Variants in SLC2A14 observed in about 807,000 individuals in gnomAD.
SLC2A14 encodes solute carrier family 2 member 14.
Under a neutral mutation model 43.0 loss-of-function variants are expected in SLC2A14, and 13 were observed. That is an observed-to-expected ratio of 0.30 (90% confidence interval 0.20 to 0.48). SLC2A14 has a LOEUF of 0.48. Ranked by LOEUF, SLC2A14 falls within the 20% of genes least tolerant of loss-of-function variation. SLC2A14 has a pLI of 0.99. For missense variants in SLC2A14, 428 were observed against 620.4 expected (o/e 0.69, Z 3.29); for synonymous variants, 190 against 233.8 (o/e 0.81, Z 1.71).
At chr12:7,839,488 T>C (rs1218857900) in intron 2 of SLC2A14, among the ~76,000 whole-genome samples, 3 of 152,112 alleles carry the variant, frequency 2.0e-5, no homozygotes, top group Non-Finnish European at 4.4e-5. Flanking sequence ...CTGTAAGCAG[T>C]CATGAACGTT....
At chr12:7,845,447 G>C (rs934784894) in intron 2 of SLC2A14, among the ~76,000 whole-genome samples, 9 of 152,082 alleles carry the variant, frequency 5.9e-5, no homozygotes, top group African/African-American at 2.2e-4. Context: ...TGTGGTCCGG[G>C]GACCAGCAAC....
upstream of SLC2A14, among the ~76,000 whole-genome samples, chr12:7,875,073 T>TATATTTAAATTTAA (rs1488164149): frequency 4.1e-5 from 5 of 120,520 alleles, no homozygotes; most frequent in African/African-American, 1.7e-4. Context: ...TATTAAATAT[T>TATATTTAAATTTAA]ATATTTAATA....
chr12:7,872,987 G>C, upstream of SLC2A14: 2 of 985,472 alleles, frequency 2.0e-6, no homozygotes, highest in Non-Finnish European at 2.4e-6. Context: ...TCGGTTCATC[G>C]GGAGCCCTCC....
At position 7,869,144 on chromosome 12, in the gene SLC2A14, C is replaced by CAA. The variant is rs1029431395; in HGVS notation, c.18+717_18+718dup. Among the ~76,000 whole-genome samples, 379 of 117,170 alleles carry CAA rather than the reference C, an allele frequency of 3.2e-3. 11 individuals are homozygous for CAA. In the South Asian group the frequency reaches 0.07, roughly 22 times the overall value. 76.9% of individuals were successfully genotyped at this position (117,170 alleles called of 152,430 possible). A position where few individuals can be genotyped will look rare whatever the true frequency, so the allele number is the denominator to read the frequency against. On this transcript the variant is annotated intron_variant, in intron 2 of 10. Coordinates refer to ENST00000431042, the MANE Select transcript of SLC2A14 (RefSeq NM_001286234.2). The stretch of plus-strand genomic sequence containing the variant: ...GGGCAACAAGAGTGAAACTCCATCT[C>CAA]AAAAAAAAAAAAAACAGTGTTGACT...
intron 1 of SLC2A14, among the ~76,000 whole-genome samples, chr12:7,881,085 G>A (rs1307658082): frequency 6.6e-6 from 1 of 152,152 alleles, no homozygotes; most frequent in Non-Finnish European, 1.5e-5. Context: ...GTTGCAGTAA[G>A]CCGAAATCGC....
chr12:7,814,942 GGT>G (rs1863301109), intron 10 of SLC2A14, among the ~76,000 whole-genome samples: 1 of 151,908 alleles, frequency 6.6e-6, no homozygotes, highest in Non-Finnish European at 1.5e-5. Context: ...TGGGACTACA[GGT>G]GCCCACCAGC....
At chr12:7,863,909 G>C (rs1046924906) in intron 2 of SLC2A14, among the ~76,000 whole-genome samples, 1 of 151,364 alleles carries the variant, frequency 6.6e-6, no homozygotes, top group Non-Finnish European at 1.5e-5. Context: ...TCCACCACCC[G>C]GGTTCAAGCG....
chr12:7,871,311 A>G (rs1036006154), intron 1 of SLC2A14: 8 of 1,085,834 alleles, frequency 7.4e-6, no homozygotes, highest in Non-Finnish European at 9.3e-6. Flanking sequence ...ATAAAAAAAG[A>G]CAAGTTCAAC....
chr12:7,826,490 T>C (rs1357405414), intron 7 of SLC2A14, among the ~76,000 whole-genome samples: 2 of 152,170 alleles, frequency 1.3e-5, no homozygotes, highest in African/African-American at 4.8e-5. Flanking sequence ...ATACTAAGTT[T>C]TGCAAAATGC....
chr12:7,882,927 C>T (rs1170454122), intron 1 of SLC2A14, among the ~76,000 whole-genome samples: 1 of 151,796 alleles, frequency 6.6e-6, no homozygotes, highest in Non-Finnish European at 1.5e-5. Flanking sequence ...AAATGCTCTC[C>T]TGGCTAGGTG....
Position 7,817,969 on chromosome 12 carries a change from T to C in SLC2A14, c.1137A>G (p.Glu379=), listed in dbSNP as rs765667655. Residue 379 remains glutamate (E), a synonymous_variant, in exon 10 of 11, where the codon GAA becomes GAG. Coordinates refer to ENST00000431042, the MANE Select transcript of SLC2A14 (RefSeq NM_001286234.2). The part of the protein sequence containing the change: ...GAILVFVACF[E]IGPGPIPWFI... ...ACCAGGGAATGGGGCCTGGTCCAAT[T>C]TCAAAACAGGCCACAAAGACCAAGA... The C allele has an allele frequency of 3.9e-5, 63 of 1,613,914 alleles. No individual in the cohort carries two copies. In the South Asian group the frequency reaches 6.6e-4, roughly 17 times the overall value.
intron 3 of SLC2A14, among the ~76,000 whole-genome samples, chr12:7,831,974 G>T (rs1865071294): frequency 6.6e-6 from 1 of 152,240 alleles, no homozygotes; most frequent in Non-Finnish European, 1.5e-5. Flanking sequence ...CAGTTGTGGT[G>T]GCGCATGCCT....
intron 1 of SLC2A14, among the ~76,000 whole-genome samples, chr12:7,885,924 G>C (rs181098312): frequency 1.3e-5 from 2 of 152,020 alleles, no homozygotes; most frequent in African/African-American, 4.8e-5. Context: ...CTGGTTCATA[G>C]ATACATATGT....
At chr12:7,875,035 A>AT (rs1945428071), upstream of SLC2A14, among the ~76,000 whole-genome samples, 1 of 113,152 alleles carries the variant, frequency 8.8e-6, no homozygotes, top group Non-Finnish European at 1.7e-5. Flanking sequence ...AAATACATAT[A>AT]TAAATATATA....
intron 9 of SLC2A14, among the ~76,000 whole-genome samples, chr12:7,818,982 C>T (rs1481085238): frequency 6.6e-6 from 1 of 152,146 alleles, no homozygotes; most frequent in African/African-American, 2.4e-5. Flanking sequence ...CTTTGGGAGG[C>T]TGAGGCAGGT....
At chr12:7,874,727 A>T (rs1476629624), upstream of SLC2A14, among the ~76,000 whole-genome samples, 11 of 7,964 alleles carry the variant, frequency 1.4e-3, no homozygotes, top group Admixed American at 1.0e-3. Flanking sequence ...TAAATATATA[A>T]AAAATATATA....
upstream of SLC2A14, among the ~76,000 whole-genome samples, chr12:7,874,743 A>T (rs1413403667): frequency 2.6e-4 from 29 of 112,958 alleles, no homozygotes; most frequent in African/African-American, 7.8e-4. Context: ...ATATAAAAAT[A>T]TATATAAATA....
At chr12:7,846,364 C>CA (rs1275977921) in intron 2 of SLC2A14, among the ~76,000 whole-genome samples, 1 of 151,334 alleles carries the variant, frequency 6.6e-6, no homozygotes, top group African/African-American at 2.4e-5. Context: ...TTAACTCACT[C>CA]AACAACCCTT....
At chr12:7,860,014 C>T (rs1944458808) in intron 2 of SLC2A14, among the ~76,000 whole-genome samples, 1 of 152,274 alleles carries the variant, frequency 6.6e-6, no homozygotes, top group South Asian at 2.1e-4. Context: ...GCTCCACCCA[C>T]GCCTGGTGCT....
Sources: gnomAD v4.1 joint callset for allele counts (sites outside exome capture counted in the v4.1 genomes callset) on GRCh38, gnomAD v4.1.1 for gene constraint, MANE v1.5 for transcripts, NCBI Gene and HGNC (gene_info 2026-07-23, HGNC 2026-07-21) for gene names.